POFUT1: variants seen among roughly 807,000 people sequenced by gnomAD.
POFUT1 encodes protein O-fucosyltransferase 1.
Under a neutral mutation model 42.4 loss-of-function variants are expected in POFUT1, and 16 were observed. The ratio of observed to expected loss-of-function variants is 0.38; its 90% CI spans 0.26 to 0.57. POFUT1 has a LOEUF of 0.57. POFUT1 is among the 20% of genes least tolerant of loss of function. The probability of loss-of-function intolerance (pLI) is 0.71; values close to 1 mark genes in which losing one functional copy is unlikely to be tolerated. For synonymous variants in POFUT1, 206 were observed against 205.4 expected (o/e 1.00, Z -0.03); for missense variants, 470 against 504.6 (o/e 0.93, Z 0.66).
chr20:32,217,662 G>A (rs151048448), intron 4 of POFUT1: 44 of 985,630 alleles, frequency 4.5e-5, no homozygotes, highest in Middle Eastern at 5.2e-4. Flanking sequence ...AGCGCTGATG[G>A]TATCTGCCTC....
Position 32,216,724 on chromosome 20 carries a change from A to G in POFUT1, c.542+3A>G. 6.3e-7 allele frequency: 1 copy of G among 1,592,202 alleles called. No homozygotes were observed. Among genetic ancestry groups the G allele is most frequent in the Non-Finnish European group, 8.6e-7 (1 of 1,160,052 alleles). ...TACAGAGAACAATGGAGCCAGAGGT[A>G]CTTGGAGGGGGTAGCGTTTCTGGGT... On this transcript the variant is annotated splice_donor_region_variant and intron_variant, in intron 4 of 6. Coordinates refer to ENST00000375749, the MANE Select transcript of POFUT1 (RefSeq NM_015352.2).
At position 32,208,009 on chromosome 20, in the gene POFUT1, G is replaced by C. The variant is rs1365440046; in HGVS notation, c.68G>C (p.Gly23Ala). ...CTGCTGCTGCTTCTGCCGCTCCCGGGGATGCCTGCGGGCTCCTGGGACCCG... is the reference window on the plus strand; with the variant it reads ...CTGCTGCTGCTTCTGCCGCTCCCGGCGATGCCTGCGGGCTCCTGGGACCCG... ...SFLLLLLPLP[G>A]MPAGSWDPAG... Residue 23 changes from glycine (G) to alanine (A), a missense_variant, in exon 1 of 7, where the codon GGG becomes GCG. Coordinates refer to ENST00000375749, the MANE Select transcript of POFUT1 (RefSeq NM_015352.2). 1 of 1,587,110 alleles carries C rather than the reference G, an allele frequency of 6.3e-7. No homozygotes were observed. Among genetic ancestry groups the C allele is most frequent in the Admixed American group, 1.7e-5 (1 of 57,696 alleles).
rs570817717 is a variant in POFUT1, at chr20:32,230,873, T to A, written c.790T>A (p.Ser264Thr). 6.2e-7 allele frequency: 1 copy of A among 1,614,160 alleles called. No individual in the cohort carries two copies. The highest frequency in any genetic ancestry group is 1.1e-5 in the South Asian group (1 of 91,084). ...DGTAGSHFMA[S>T]PQCVGYSRST... ...GACTGCAGGCTCGCACTTCATGGCCTCTCCGCAGTGTGTGGGCTACAGCCG... is the reference window on the plus strand; with the variant it reads ...GACTGCAGGCTCGCACTTCATGGCCACTCCGCAGTGTGTGGGCTACAGCCG... The change falls in exon 6 of 7, where the codon TCT becomes ACT. Residue 264 changes from serine to threonine, a missense_variant. Physicochemically the swap from Ser to Thr is moderately conservative, Grantham distance 58. Coordinates refer to ENST00000375749, the MANE Select transcript of POFUT1 (RefSeq NM_015352.2).
intron 2 of POFUT1, among the ~76,000 whole-genome samples, chr20:32,212,029 T>C (rs961498934): frequency 6.6e-6 from 1 of 152,242 alleles, no homozygotes; most frequent in Non-Finnish European, 1.5e-5. Context: ...CTTGGGTTTC[T>C]TCATAAGTAA....
chr20:32,237,645 A>G lies in POFUT1; in HGVS notation c.*2984A>G. 1 of 334,426 alleles carries G rather than the reference A, an allele frequency of 3.0e-6. No homozygotes were observed. Among genetic ancestry groups the G allele is most frequent in the Non-Finnish European group, 6.4e-6 (1 of 156,890 alleles). 20.7% of individuals were successfully genotyped at this position (334,426 alleles called of 1,614,324 possible). A position where few individuals can be genotyped will look rare whatever the true frequency, so the allele number is the denominator to read the frequency against. ...AGGAAGCTTTTAGTTGGAGAGATAC[A>G]GGAAGCCTCCTAGGGTTCTGAGCAG... On this transcript the variant is annotated 3_prime_UTR_variant, in exon 7 of 7. Transcript: ENST00000375749.
intron 4 of POFUT1, among the ~76,000 whole-genome samples, chr20:32,227,562 A>G (rs7353677): frequency 6.6e-6 from 1 of 152,122 alleles, no homozygotes; most frequent in Non-Finnish European, 1.5e-5. Context: ...AATATTTACC[A>G]AGCTCTTGGG....
chr20:32,226,362 A>G (rs894739513), intron 4 of POFUT1, among the ~76,000 whole-genome samples: 1 of 152,148 alleles, frequency 6.6e-6, no homozygotes, highest in Non-Finnish European at 1.5e-5. Context: ...AAACTATAGT[A>G]CAGTATCACA....
At chr20:32,218,233 C>T in intron 4 of POFUT1, among the ~76,000 whole-genome samples, 1 of 152,164 alleles carries the variant, frequency 6.6e-6, no homozygotes, top group East Asian at 1.9e-4. Context: ...AATCCCTGGG[C>T]TCAAGCAATC....
At chr20:32,209,374 T>C (rs2047314132) in intron 1 of POFUT1, among the ~76,000 whole-genome samples, 1 of 152,250 alleles carries the variant, frequency 6.6e-6, no homozygotes, top group African/African-American at 2.4e-5. Flanking sequence ...CATGTATTTG[T>C]TTACATGTTT....
rs903084748 is a variant in POFUT1 at position 32,236,608 on chromosome 20, A to G, written c.*1947A>G. On this transcript the variant is annotated 3_prime_UTR_variant, in exon 7 of 7. Coordinates refer to ENST00000375749, the MANE Select transcript of POFUT1 (RefSeq NM_015352.2). ...AGCTAGCACTTTTTCCTCTGACCCA[A>G]TTTTCTTACCTATAAAATGGTGATA... 7 of 152,136 alleles carry G rather than the reference A, an allele frequency of 4.6e-5. No homozygotes were observed. The highest frequency in any genetic ancestry group is 8.8e-5 in the Non-Finnish European group (6 of 68,030). 9.4% of individuals were successfully genotyped at this position (152,136 alleles called of 1,614,324 possible).
rs1264994673 is a variant in POFUT1, at chr20:32,208,011, A to T, written c.70A>T (p.Met24Leu). The change falls in exon 1 of 7, where the codon ATG (methionine) becomes TTG (leucine). Residue 24 changes from methionine (M) to leucine (L), a missense_variant. Transcript: ENST00000375749. ...GCTGCTGCTTCTGCCGCTCCCGGGG[A>T]TGCCTGCGGGCTCCTGGGACCCGGC... ...FLLLLLPLPG[M>L]PAGSWDPAGY... 17 of 1,587,466 alleles carry T rather than the reference A, an allele frequency of 1.1e-5. No individual in the cohort carries two copies. The African/African-American group carries it at 1.9e-4, about 18-fold the overall frequency.
Position 32,230,951 on chromosome 20 carries a change from A to C in POFUT1, c.868A>C (p.Ile290Leu). The change falls in exon 6 of 7, where the codon ATC (isoleucine) becomes CTC (leucine). Residue 290 changes from isoleucine to leucine, a missense_variant. Transcript: ENST00000375749. ...MTMCLPDLKEIQRAVKLWVRS... is the reference protein window; with the variant it reads ...MTMCLPDLKELQRAVKLWVRS... ...TATGTGCCTGCCTGACCTGAAGGAGATCCAGAGGGCTGTGAAGCTCTGGGT... is the reference window on the plus strand; with the variant it reads ...TATGTGCCTGCCTGACCTGAAGGAGCTCCAGAGGGCTGTGAAGCTCTGGGT... 1 of 1,614,140 alleles carries C rather than the reference A, an allele frequency of 6.2e-7. No individual in the cohort carries two copies.
chr20:32,219,508 G>GTTT (rs11478934), intron 4 of POFUT1, among the ~76,000 whole-genome samples: 2 of 112,354 alleles, frequency 1.8e-5, no homozygotes, highest in Non-Finnish European at 1.9e-5. Flanking sequence ...ATAACAACAA[G>GTTT]TTTTTTTTTT....
At chr20:32,216,978 A>G in intron 4 of POFUT1, 2 of 1,611,284 alleles carry the variant, frequency 1.2e-6, no homozygotes, top group East Asian at 2.2e-5. Context: ...AACATTCTGC[A>G]GTCGCATGAG....
intron 4 of POFUT1, among the ~76,000 whole-genome samples, chr20:32,226,715 C>T (rs903559182): frequency 6.6e-6 from 1 of 152,118 alleles, no homozygotes. Flanking sequence ...AGATTGCCCA[C>T]CCTCCCTGAC....
chr20:32,230,815 G>A lies in POFUT1; in HGVS notation c.736-4G>A, dbSNP rs773302007. Reference sequence around the variant, plus strand: ...TATTTAACCCTGTTCCCCGCTCTCCGTAGAAGAACGCCTGTGCCATGCTGA... The same window carrying A: ...TATTTAACCCTGTTCCCCGCTCTCCATAGAAGAACGCCTGTGCCATGCTGA... On this transcript the variant is annotated splice_region_variant and splice_polypyrimidine_tract_variant and intron_variant, in intron 5 of 6. Coordinates refer to ENST00000375749, the MANE Select transcript of POFUT1 (RefSeq NM_015352.2). 2.0e-5 allele frequency: 33 copies of A among 1,612,554 alleles called. No homozygotes were observed. Among genetic ancestry groups the A allele is most frequent in the Middle Eastern group, 1.6e-4 (1 of 6,066 alleles).
At chr20:32,222,156 A>G (rs769998674) in intron 4 of POFUT1, among the ~76,000 whole-genome samples, 3 of 152,130 alleles carry the variant, frequency 2.0e-5, no homozygotes, top group Non-Finnish European at 4.4e-5. Context: ...AAAAAAATTT[A>G]GCCGTGCATG....
intron 6 of POFUT1, chr20:32,231,317 G>T: frequency 2.1e-6 from 1 of 476,404 alleles, no homozygotes; most frequent in Non-Finnish European, 3.9e-6. Flanking sequence ...CTTCTCTCGG[G>T]CACTTTCTGG....
intron 5 of POFUT1, among the ~76,000 whole-genome samples, chr20:32,228,719 T>G (rs1474964722): frequency 6.6e-6 from 1 of 152,210 alleles, no homozygotes; most frequent in Non-Finnish European, 1.5e-5. Context: ...AGACCCCAGG[T>G]CAGGCAGCAA....
Sources: allele counts gnomAD v4.1 joint callset (sites outside exome capture counted in the v4.1 genomes callset), GRCh38; gene constraint gnomAD v4.1.1; transcripts MANE v1.5; gene names NCBI Gene and HGNC (gene_info 2026-07-23, HGNC 2026-07-21).